Variants in CDK17 observed in about 807,000 individuals in gnomAD.
CDK17 encodes the protein cyclin dependent kinase 17.
Under a neutral mutation model 77.6 loss-of-function variants are expected in CDK17, and 24 were observed. That is an observed-to-expected ratio of 0.31 (90% CI 0.22 to 0.44). The LOEUF is 0.44. Ranked by LOEUF, CDK17 falls within the 20% of genes least tolerant of loss-of-function variation. CDK17 has a pLI of 1.00. For synonymous variants in CDK17, 203 were observed against 210.4 expected, an observed-to-expected ratio of 0.96 and a Z score of 0.30; for missense variants, 429 against 622.5, an observed-to-expected ratio of 0.69 and a Z score of 3.31.
At chr12:96,330,885 C>A (rs545438294) in intron 2 of CDK17, among the ~76,000 whole-genome samples, 5 of 152,236 alleles carry the variant, frequency 3.3e-5, no homozygotes, top group African/African-American at 1.2e-4. Context: ...ATTGTTGGGT[C>A]ATATAGTAAG....
intron 1 of CDK17, among the ~76,000 whole-genome samples, chr12:96,352,264 AGAGCT>A (rs1202920638): frequency 1.3e-5 from 2 of 152,200 alleles, no homozygotes; most frequent in African/African-American, 4.8e-5. Context: ...ACAAGGCAGA[AGAGCT>A]GAGAGAAACC....
chr12:96,326,313 A>G (rs1189917803), intron 2 of CDK17, among the ~76,000 whole-genome samples: 3 of 152,216 alleles, frequency 2.0e-5, no homozygotes, highest in Non-Finnish European at 4.4e-5. Context: ...AAAACCTAAC[A>G]GGGAAAAGAC....
At chr12:96,297,791 T>TA in intron 7 of CDK17, 70 bp from the exon 8 acceptor site, 1 of 808,230 alleles carries the variant, frequency 1.2e-6, no homozygotes, top group Non-Finnish European at 2.1e-6. Flanking sequence ...AAGTTGAACA[T>TA]ACGAACTGAT....
At chr12:96,317,212 C>G (rs11108467) in intron 3 of CDK17, among the ~76,000 whole-genome samples, 26,959 of 144,812 alleles carry the variant, frequency 0.19, 2,742 homozygotes, top group South Asian at 0.29. Context: ...TATCAGCGAT[C>G]GAAGATGAAA....
intron 2 of CDK17, among the ~76,000 whole-genome samples, chr12:96,331,298 G>T (rs1187068681): frequency 6.6e-6 from 1 of 152,090 alleles, no homozygotes; most frequent in Non-Finnish European, 1.5e-5. Flanking sequence ...TTAGTAAAAA[G>T]AAAACTGATG....
intron 1 of CDK17, among the ~76,000 whole-genome samples, chr12:96,393,205 A>G (rs1437142674): frequency 2.0e-5 from 3 of 151,422 alleles, no homozygotes; most frequent in Admixed American, 1.3e-4. Flanking sequence ...TCTACTAAAA[A>G]CTACAAAAAT....
chr12:96,363,919 G>A (rs911285526), intron 1 of CDK17, among the ~76,000 whole-genome samples: 10 of 152,192 alleles, frequency 6.6e-5, no homozygotes, highest in African/African-American at 2.4e-4. Flanking sequence ...TTCACAGTGC[G>A]AGAAGGCAAC....
intron 1 of CDK17, among the ~76,000 whole-genome samples, chr12:96,383,222 A>C (rs2137231304): frequency 6.6e-6 from 1 of 152,282 alleles, no homozygotes; most frequent in South Asian, 2.1e-4. Flanking sequence ...AAAGATCTCT[A>C]GAATAACAAC....
rs768771361 is a variant in CDK17 at position 96,295,038 on chromosome 12, G to A, written c.958C>T (p.Leu320Phe). Residue 320 changes from leucine to phenylalanine, a missense_variant, in exon 10 of 17, where the codon CTC becomes TTC. Around this residue, in one of 4 missense-constraint regions of CDK17, gnomAD observed 262 missense variants for 385.4 expected, o/e 0.68. Transcript: ENST00000261211. The part of the protein sequence containing the change: ...LHRDLKPQNL[L>F]INEKGELKLA... ...TTTAATTCTCCTTTCTCATTAATGA[G>A]GAGGTTCTGTGGTTTCAAGTCTCGA... 6.2e-7 allele frequency: 1 copy of A among 1,612,860 alleles called. No individual in the cohort carries two copies.
At chr12:96,392,977 G>T (rs531405526) in intron 1 of CDK17, among the ~76,000 whole-genome samples, 1 of 152,078 alleles carries the variant, frequency 6.6e-6, no homozygotes, top group Admixed American at 6.6e-5. Context: ...TATTGAGGAC[G>T]TAACAAATGC....
At chr12:96,395,754 G>A (rs958021895) in intron 1 of CDK17, among the ~76,000 whole-genome samples, 4 of 152,096 alleles carry the variant, frequency 2.6e-5, no homozygotes, top group African/African-American at 7.2e-5. Context: ...CTCTCATGAC[G>A]GGATTTGTGC....
intron 14 of CDK17, among the ~76,000 whole-genome samples, chr12:96,283,230 C>A (rs544697291): frequency 6.6e-6 from 1 of 152,126 alleles, no homozygotes; most frequent in African/African-American, 2.4e-5. Flanking sequence ...CTACCCTTAT[C>A]GTCCCCCCTT....
At chr12:96,399,918 G>C in intron 1 of CDK17, 68 bp downstream of exon 1, 1 of 335,716 alleles carries the variant, frequency 3.0e-6, no homozygotes, top group Non-Finnish European at 5.4e-6. Context: ...GTCCCACGCA[G>C]CCTCCCGGCC....
intron 1 of CDK17, among the ~76,000 whole-genome samples, chr12:96,374,905 C>T (rs1413332067): frequency 6.6e-6 from 1 of 152,200 alleles, no homozygotes; most frequent in Non-Finnish European, 1.5e-5. Flanking sequence ...CAATCCTAAT[C>T]CACCTAAGAC....
intron 1 of CDK17, among the ~76,000 whole-genome samples, chr12:96,355,875 G>A (rs758954839): frequency 2.0e-5 from 3 of 152,178 alleles, no homozygotes; most frequent in Non-Finnish European, 4.4e-5. Flanking sequence ...TACTAACATA[G>A]TACTAGAGAT....
intron 1 of CDK17, among the ~76,000 whole-genome samples, chr12:96,354,914 G>A (rs552010748): frequency 2.7e-4 from 41 of 151,902 alleles, no homozygotes; most frequent in African/African-American, 9.9e-4. Context: ...ATCCTAACTC[G>A]TCTTACTGCT....
At chr12:96,384,123 T>C (rs1008232133) in intron 1 of CDK17, among the ~76,000 whole-genome samples, 1 of 151,644 alleles carries the variant, frequency 6.6e-6, no homozygotes, top group South Asian at 2.1e-4. Context: ...AAAGAAGACA[T>C]ATAAGCAGCC....
Position 96,400,311 on chromosome 12 carries a change from A to T in CDK17, c.-355T>A, listed in dbSNP as rs1954242428. 1 of 389,062 alleles carries T rather than the reference A, an allele frequency of 2.6e-6. No individual in the cohort carries two copies. The highest frequency in any genetic ancestry group is 2.1e-5 in the African/African-American group (1 of 48,084). The allele number at this position is 389,062 out of a possible 1,614,324, so 24.1% of individuals were successfully genotyped here. A position where few individuals can be genotyped will look rare whatever the true frequency, so the allele number is the denominator to read the frequency against. ...CGCGGCGGGCGCCGACGGCGGGCTG[A>T]GACTGTCTGGCCGGGCGCTGGCTCC... is the stretch of plus-strand genomic sequence containing the variant. On this transcript the variant is annotated 5_prime_UTR_variant, in exon 1 of 17. Transcript: ENST00000261211.
intron 2 of CDK17, among the ~76,000 whole-genome samples, chr12:96,332,047 A>G (rs1369969709): frequency 3.9e-5 from 6 of 152,228 alleles, no homozygotes; most frequent in African/African-American, 1.4e-4. Flanking sequence ...ACCCGCTGTA[A>G]CATAGTAGCA....
Sources: allele counts gnomAD v4.1 joint callset (sites outside exome capture counted in the v4.1 genomes callset), GRCh38; gene constraint gnomAD v4.1.1; regional missense constraint gnomAD v4.1.1; transcripts MANE v1.5; gene names NCBI Gene and HGNC (gene_info 2026-07-23, HGNC 2026-07-21).